The following RBFOX1 variants were observed in gnomAD, a reference collection of about 807,000 sequenced individuals.
The protein encoded by RBFOX1 is RNA binding fox-1 homolog 1, also known as RNA binding protein fox-1 homolog 1.
RBFOX1 carries 8 observed loss-of-function variants against 57.7 expected under a neutral mutation model. That is an observed-to-expected ratio of 0.14 (90% CI 0.08 to 0.25). The LOEUF is 0.25. Among genes scored for constraint, RBFOX1 ranks in the 10% least tolerant of loss-of-function variants. The pLI is 1.00. For synonymous variants in RBFOX1, 326 were observed against 222.4 expected, an observed-to-expected ratio of 1.47 and a Z score of -4.15; for missense variants, 611 against 548.5, an observed-to-expected ratio of 1.11 and a Z score of -1.14.
intron 1 of RBFOX1, among the ~76,000 whole-genome samples, chr16:6,025,634 A>T (rs2095176480): frequency 6.6e-6 from 1 of 152,170 alleles, no homozygotes; most frequent in Admixed American, 6.5e-5. Context: ...CTGTCCGGGT[A>T]GGTTCCCTTT....
chr16:7,494,463 T>C (rs1013729665), intron 4 of RBFOX1, among the ~76,000 whole-genome samples: 2 of 152,158 alleles, frequency 1.3e-5, no homozygotes, highest in African/African-American at 2.4e-5. Context: ...TGATGGATTA[T>C]TTTTTCTGGA....
chr16:6,188,144 G>C (rs1032905821), intron 1 of RBFOX1, among the ~76,000 whole-genome samples: 1 of 152,100 alleles, frequency 6.6e-6, no homozygotes, highest in African/African-American at 2.4e-5. Flanking sequence ...CATGAAAACT[G>C]TATCTTCTAT....
intron 1 of RBFOX1, among the ~76,000 whole-genome samples, chr16:6,175,422 C>G (rs1177883380): frequency 6.6e-6 from 1 of 152,018 alleles, no homozygotes; most frequent in Non-Finnish European, 1.5e-5. Flanking sequence ...TCTGCTAGAG[C>G]TCAGAGTAGA....
chr16:7,630,538 C>T (rs560913362), intron 10 of RBFOX1, 65 bp from the exon 11 acceptor site: 22 of 1,603,000 alleles, frequency 1.4e-5, no homozygotes, highest in East Asian at 6.7e-5. Flanking sequence ...GTTGCATTGC[C>T]GTGATCTCTC....
At chr16:5,664,511 C>A (rs190389070) in intron 3 of RBFOX1, among the ~76,000 whole-genome samples, 1 of 151,998 alleles carries the variant, frequency 6.6e-6, no homozygotes, top group African/African-American at 2.4e-5. Context: ...TGCATCACTG[C>A]ACTCCAGCCT....
upstream of RBFOX1, among the ~76,000 whole-genome samples, chr16:6,017,231 A>G (rs1190020759): frequency 6.6e-6 from 1 of 152,246 alleles, no homozygotes; most frequent in East Asian, 1.9e-4. Context: ...TAAAAAATGA[A>G]GGAGAATAGA....
intron 5 of RBFOX1, among the ~76,000 whole-genome samples, chr16:7,565,246 T>C (rs922885933): frequency 6.6e-6 from 1 of 151,958 alleles, no homozygotes; most frequent in African/African-American, 2.4e-5. Flanking sequence ...GGGTGTGGAG[T>C]TGATCTGGTA....
chr16:5,840,064 T>C (rs2056579060), intron 3 of RBFOX1, among the ~76,000 whole-genome samples: 1 of 152,200 alleles, frequency 6.6e-6, no homozygotes, highest in Admixed American at 6.5e-5. Context: ...AATCCATTGT[T>C]GACAGTCCAT....
At chr16:6,878,774 GA>G (rs1158685237) in intron 3 of RBFOX1, among the ~76,000 whole-genome samples, 2 of 152,144 alleles carry the variant, frequency 1.3e-5, no homozygotes, top group Non-Finnish European at 2.9e-5. Context: ...ACAATCTGCA[GA>G]AATTTTAAAA....
At chr16:6,657,087 C>A (rs1568079331) in intron 3 of RBFOX1, among the ~76,000 whole-genome samples, 1 of 120,544 alleles carries the variant, frequency 8.3e-6, no homozygotes, top group East Asian at 3.0e-4. Context: ...CCTTTCCTCT[C>A]CTCCCCTTTA....
chr16:5,314,939 A>G (rs1243976675), intron 1 of RBFOX1, among the ~76,000 whole-genome samples: 1 of 151,930 alleles, frequency 6.6e-6, no homozygotes, highest in East Asian at 1.9e-4. Flanking sequence ...TTTTTAATGG[A>G]GGAAAGGAGC....
chr16:6,460,250 G>T (rs911937509), intron 2 of RBFOX1, among the ~76,000 whole-genome samples: 2 of 151,940 alleles, frequency 1.3e-5, no homozygotes, highest in Non-Finnish European at 2.9e-5. Flanking sequence ...TTTTCCCTGT[G>T]TTTTTCCCTG....
chr16:5,289,357 G>A, intron 1 of RBFOX1: 1 of 398,922 alleles, frequency 2.5e-6, no homozygotes, highest in Non-Finnish European at 4.8e-6. Context: ...AGGAGGAGGA[G>A]GGCCCATCAT....
intron 3 of RBFOX1, among the ~76,000 whole-genome samples, chr16:6,810,698 C>T (rs547894454): frequency 1.4e-4 from 22 of 152,192 alleles, no homozygotes; most frequent in East Asian, 1.9e-4. Context: ...CGTACAATCA[C>T]GGTGGAAGGC....
rs1300974165 is a variant in RBFOX1 at position 5,953,451 on chromosome 16, T to C, written c.351+86116T>C. On this transcript the variant is annotated intron_variant, in intron 4 of 19. Coordinates refer to the RBFOX1 transcript ENST00000641259. ...TGGTACATCTATCACCTGAGCACTGTACGCTGCACCCAGTTTGTAGTCTTT... is the reference window on the plus strand; with the variant it reads ...TGGTACATCTATCACCTGAGCACTGCACGCTGCACCCAGTTTGTAGTCTTT... Among the ~76,000 whole-genome samples the C allele has an allele frequency of 2.0e-5, 3 of 152,108 alleles. No homozygotes were observed. In the East Asian group the frequency reaches 5.8e-4, roughly 29 times the overall value.
chr16:7,674,016 A>G (rs903712235), intron 13 of RBFOX1, among the ~76,000 whole-genome samples: 1 of 152,200 alleles, frequency 6.6e-6, no homozygotes, highest in Non-Finnish European at 1.5e-5. Flanking sequence ...CAAAATACAG[A>G]GCGATAAAAT....
intron 3 of RBFOX1, among the ~76,000 whole-genome samples, chr16:6,952,427 G>T (rs527856340): frequency 6.6e-6 from 1 of 152,232 alleles, no homozygotes; most frequent in East Asian, 1.9e-4. Context: ...CAGGAGGATT[G>T]CTTGAGCCCA....
At chr16:7,298,251 A>G (rs2095942468) in intron 4 of RBFOX1, among the ~76,000 whole-genome samples, 1 of 150,422 alleles carries the variant, frequency 6.6e-6, no homozygotes. Context: ...TCAACCCACC[A>G]CAATGTAGAA....
At chr16:5,247,856 C>T (rs2062341499) in intron 1 of RBFOX1, among the ~76,000 whole-genome samples, 1 of 152,160 alleles carries the variant, frequency 6.6e-6, no homozygotes, top group Admixed American at 6.5e-5. Flanking sequence ...GAAATGTACA[C>T]AGGTCTGGGC....
Sources: allele counts gnomAD v4.1 joint callset (sites outside exome capture counted in the v4.1 genomes callset), GRCh38; gene constraint gnomAD v4.1.1; transcripts MANE v1.5; gene names NCBI Gene and HGNC (gene_info 2026-07-23, HGNC 2026-07-21).